The following GPC3 variants were observed in gnomAD, a reference collection of about 807,000 sequenced individuals.
The protein encoded by GPC3 is glypican-3.
A neutral mutation model predicts 34.4 loss-of-function variants in GPC3; 3 were observed. That is an observed-to-expected ratio of 0.09 (90% CI 0.04 to 0.23). The LOEUF (loss-of-function observed/expected upper bound fraction) is 0.23, where lower values mean the gene tolerates loss of function less well. Among genes scored for constraint, GPC3 ranks in the 10% least tolerant of loss-of-function variants. GPC3 has a pLI of 1.00. For missense variants in GPC3, 351 were observed against 445.6 expected (o/e 0.79, Z 1.91); for synonymous variants, 177 against 174.0 (o/e 1.02, Z -0.13).
At chrX:133,561,864 T>C (rs1368581227) in intron 7 of GPC3, among the ~76,000 whole-genome samples, 1 of 112,407 alleles carries the variant, frequency 8.9e-6, no homozygotes, top group Non-Finnish European at 1.9e-5. Flanking sequence ...GTAGTTTTAG[T>C]TGAACACCTG....
chrX:133,967,056 A>G (rs984585815), intron 1 of GPC3, among the ~76,000 whole-genome samples: 18 of 111,988 alleles, frequency 1.6e-4, no homozygotes, highest in African/African-American at 5.8e-4. Context: ...AGCACTGCAG[A>G]GCAACTATAA....
chrX:133,811,527 C>T (rs770581803), intron 2 of GPC3, among the ~76,000 whole-genome samples: 2 of 111,381 alleles, frequency 1.8e-5, no homozygotes, highest in Non-Finnish European at 3.8e-5. Context: ...GGAAACTCTC[C>T]TATGTAATTC....
intron 3 of GPC3, among the ~76,000 whole-genome samples, chrX:133,712,348 T>C (rs898977442): frequency 3.6e-5 from 4 of 111,993 alleles, no homozygotes; most frequent in African/African-American, 1.3e-4. Context: ...CAAAAGAACA[T>C]TTTGGAATAG....
At chrX:133,749,740 G>A (rs2071644518) in intron 3 of GPC3, among the ~76,000 whole-genome samples, 1 of 111,350 alleles carries the variant, frequency 9.0e-6, no homozygotes, top group South Asian at 3.8e-4. Flanking sequence ...ACCTCAAGCA[G>A]GACTGAATGG....
intron 2 of GPC3, among the ~76,000 whole-genome samples, chrX:133,795,896 T>C (rs1164512525): frequency 4.6e-5 from 5 of 109,707 alleles, no homozygotes; most frequent in Non-Finnish European, 9.5e-5. Flanking sequence ...CTAATTTAGA[T>C]GTATCTCTTT....
chrX:133,719,627 A>AT (rs1321022334), intron 3 of GPC3, among the ~76,000 whole-genome samples: 2 of 111,129 alleles, frequency 1.8e-5, no homozygotes, highest in African/African-American at 6.6e-5. Flanking sequence ...TTAAAGTATA[A>AT]TAAAAAAAAA....
chrX:133,544,784 A>C (rs2069368457), intron 7 of GPC3, among the ~76,000 whole-genome samples: 2 of 111,782 alleles, frequency 1.8e-5, no homozygotes, highest in African/African-American at 6.5e-5. Flanking sequence ...CTCCTTCCTC[A>C]GCCTCCAAAG....
chrX:133,704,213 C>G, intron 3 of GPC3: 1 of 1,088,902 alleles, frequency 9.2e-7, no homozygotes, highest in Non-Finnish European at 1.2e-6. Context: ...ACCTGTAAGT[C>G]TAGCCCTATA....
At chrX:133,746,029 T>G (rs2071608456) in intron 3 of GPC3, among the ~76,000 whole-genome samples, 1 of 112,306 alleles carries the variant, frequency 8.9e-6, no homozygotes, top group Non-Finnish European at 1.9e-5. Flanking sequence ...ACTCACTATG[T>G]GTACAGGAGT....
intron 2 of GPC3, among the ~76,000 whole-genome samples, chrX:133,919,229 T>C (rs886752064): frequency 8.9e-6 from 1 of 111,992 alleles, no homozygotes; most frequent in African/African-American, 3.2e-5. Flanking sequence ...ATGGTACATT[T>C]AGTAAATCCA....
intron 5 of GPC3, among the ~76,000 whole-genome samples, chrX:133,663,198 T>C (rs755382071): frequency 3.6e-5 from 4 of 111,820 alleles, no homozygotes; most frequent in Non-Finnish European, 7.5e-5. Flanking sequence ...AGCACTTTGG[T>C]AGGCCAAGGC....
intron 7 of GPC3, among the ~76,000 whole-genome samples, chrX:133,580,894 G>A (rs1471447615): frequency 1.8e-5 from 2 of 112,239 alleles, no homozygotes; most frequent in South Asian, 3.7e-4. Context: ...GAGAGTGGGA[G>A]TGTGTTCCAA....
Position 133,590,742 on chromosome X carries a change from GA to G in GPC3, c.1573+5697del, listed in dbSNP as rs775836227. On this transcript the variant is annotated intron_variant, in intron 7 of 7. Transcript: ENST00000370818. ...ATTGGTGGAAAAGTCAAAGGGGTTA[GA>G]ATGGGGAAAATGAGATCTTTTCTAT... is the stretch of plus-strand genomic sequence containing the variant. 2.7e-3 allele frequency among the ~76,000 whole-genome samples: 300 copies of G among 111,772 alleles called. 3 individuals carry two copies. The highest frequency in any genetic ancestry group is 8.5e-3 in the African/African-American group (260 of 30,766).
rs994506742 is a variant in GPC3 at position 133,607,653 on chromosome X, G to T, written c.1414-11054C>A. 9.2e-4 allele frequency among the ~76,000 whole-genome samples: 103 copies of T among 112,282 alleles called. 5 individuals carry two copies. The highest frequency in any genetic ancestry group is 1.9e-4 in the Non-Finnish European group (10 of 53,256). Reference sequence around the variant, plus strand: ...CTGTTTTCCTGGTATGGTAATAGCTGATTCCTGCCAGGGAGCCCTGATTCC... The same window carrying T: ...CTGTTTTCCTGGTATGGTAATAGCTTATTCCTGCCAGGGAGCCCTGATTCC... On this transcript the variant is annotated intron_variant, in intron 6 of 7. Coordinates refer to ENST00000370818, the MANE Select transcript of GPC3 (RefSeq NM_004484.4).
intron 2 of GPC3, among the ~76,000 whole-genome samples, chrX:133,904,951 C>G (rs772039180): frequency 1.8e-5 from 2 of 112,218 alleles, no homozygotes; most frequent in Non-Finnish European, 3.8e-5. Flanking sequence ...CATTTGCTTT[C>G]TGGCCATTTG....
intron 2 of GPC3, among the ~76,000 whole-genome samples, chrX:133,917,052 A>G (rs2076228166): frequency 8.9e-6 from 1 of 112,091 alleles, no homozygotes; most frequent in South Asian, 3.7e-4. Context: ...AGTAGAGAAT[A>G]ATATTACCTA....
intron 7 of GPC3, among the ~76,000 whole-genome samples, chrX:133,592,597 A>G (rs780262863): frequency 1.8e-5 from 2 of 110,552 alleles, no homozygotes; most frequent in East Asian, 5.8e-4. Flanking sequence ...TTTATGTCCT[A>G]TGGAACCTGG....
chrX:133,956,391 G>T (rs146214049), intron 1 of GPC3, among the ~76,000 whole-genome samples: 1,208 of 112,036 alleles, frequency 0.011, 22 homozygotes, highest in African/African-American at 0.036. Context: ...GCTATTCTAG[G>T]AATAGGAACT....
At chrX:133,911,354 T>C (rs749136137) in intron 2 of GPC3, among the ~76,000 whole-genome samples, 2 of 112,445 alleles carry the variant, frequency 1.8e-5, no homozygotes, top group African/African-American at 3.2e-5. Flanking sequence ...AATTTACACA[T>C]TTGTTCAACT....
Sources: gnomAD v4.1 joint callset for allele counts (sites outside exome capture counted in the v4.1 genomes callset) on GRCh38, gnomAD v4.1.1 for gene constraint, MANE v1.5 for transcripts, NCBI Gene and HGNC (gene_info 2026-07-23, HGNC 2026-07-21) for gene names.